The following PPM1H variants were observed in gnomAD, a reference collection of about 807,000 sequenced individuals.
PPM1H encodes protein phosphatase, Mg2+/Mn2+ dependent 1H.
Under a neutral mutation model 54.9 loss-of-function variants are expected in PPM1H, and 27 were observed. The observed-to-expected ratio is 0.49, with a 90% CI of 0.36 to 0.68. PPM1H has a LOEUF of 0.68. Among genes scored for constraint, PPM1H ranks in the 30% least tolerant of loss-of-function variants. PPM1H has a pLI of 0.00. For missense variants in PPM1H, 596 were observed against 667.8 expected (o/e 0.89, Z 1.19); for synonymous variants, 305 against 270.8 (o/e 1.13, Z -1.24).
intron 1 of PPM1H, chr12:62,850,707 ATATATT>A (rs1174276858): frequency 1.3e-5 from 2 of 148,792 alleles, no homozygotes; most frequent in East Asian, 1.9e-4. Flanking sequence ...TAAAATATAT[ATATATT>A]TATATTTTTT....
chr12:62,697,215 C>T (rs555698094), intron 6 of PPM1H, among the ~76,000 whole-genome samples: 1 of 151,694 alleles, frequency 6.6e-6, no homozygotes, highest in African/African-American at 2.4e-5. Context: ...CAACTTCTGC[C>T]TCCCAGGTCC....
chr12:62,685,634 T>C (rs1049130837), intron 8 of PPM1H, among the ~76,000 whole-genome samples: 2 of 152,178 alleles, frequency 1.3e-5, no homozygotes, highest in African/African-American at 4.8e-5. Context: ...ATTTGTTGCA[T>C]GGAGATAGGG....
At chr12:62,690,998 C>A (rs892975000) in intron 7 of PPM1H, among the ~76,000 whole-genome samples, 13 of 151,800 alleles carry the variant, frequency 8.6e-5, no homozygotes, top group Non-Finnish European at 1.5e-4. Context: ...AATAAAAAAA[C>A]CAAAAAGAAA....
At chr12:62,817,353 C>T (rs1468190945) in intron 2 of PPM1H, among the ~76,000 whole-genome samples, 3 of 150,708 alleles carry the variant, frequency 2.0e-5, no homozygotes, top group Non-Finnish European at 3.0e-5. Context: ...TCCCAGCTAC[C>T]CAGGAGGCTG....
At chr12:62,855,059 T>G (rs567367657) in intron 1 of PPM1H, among the ~76,000 whole-genome samples, 1 of 152,220 alleles carries the variant, frequency 6.6e-6, no homozygotes, top group African/African-American at 2.4e-5. Context: ...AAAGCCACTG[T>G]GTTAGAATGC....
intron 3 of PPM1H, among the ~76,000 whole-genome samples, chr12:62,798,587 GGGGGTAAACCTGAAA>G (rs2076749452): frequency 6.8e-6 from 1 of 147,328 alleles, no homozygotes; most frequent in Non-Finnish European, 1.5e-5. Flanking sequence ...GCTAGGGCAT[GGGGGTAAACCTGAAA>G]GGAACAAACA....
At chr12:62,785,182 CT>C (rs879331754) in intron 4 of PPM1H, among the ~76,000 whole-genome samples, 37 of 147,246 alleles carry the variant, frequency 2.5e-4, no homozygotes, top group South Asian at 1.3e-3. Flanking sequence ...AAACAAAACA[CT>C]TTTTTTTTTT....
chr12:62,815,346 T>G (rs2076860180), intron 2 of PPM1H, among the ~76,000 whole-genome samples: 1 of 152,200 alleles, frequency 6.6e-6, no homozygotes, highest in Admixed American at 6.5e-5. Flanking sequence ...AATGAGGCAG[T>G]AAGGTGCAGG....
At chr12:62,865,045 G>C (rs949004951) in intron 1 of PPM1H, among the ~76,000 whole-genome samples, 1 of 152,142 alleles carries the variant, frequency 6.6e-6, no homozygotes, top group African/African-American at 2.4e-5. Flanking sequence ...TTCTCTCTCG[G>C]CAGAGGGAAA....
At chr12:62,892,728 C>T (rs1390953671) in intron 1 of PPM1H, among the ~76,000 whole-genome samples, 1 of 152,132 alleles carries the variant, frequency 6.6e-6, no homozygotes, top group Non-Finnish European at 1.5e-5. Flanking sequence ...CTTATCATTG[C>T]CATCTAGTCA....
intron 9 of PPM1H, among the ~76,000 whole-genome samples, chr12:62,651,836 C>T (rs989531389): frequency 6.6e-6 from 1 of 152,162 alleles, no homozygotes; most frequent in African/African-American, 2.4e-5. Flanking sequence ...CTGCTTAACC[C>T]TTTGTGTTCA....
At chr12:62,650,815 C>T (rs1425221482) in intron 9 of PPM1H, among the ~76,000 whole-genome samples, 1 of 152,056 alleles carries the variant, frequency 6.6e-6, no homozygotes, top group African/African-American at 2.4e-5. Context: ...TGGGGGAACT[C>T]GGTCCCCATG....
chr12:62,776,471 T>G (rs1023851012), intron 4 of PPM1H, among the ~76,000 whole-genome samples: 1 of 151,864 alleles, frequency 6.6e-6, no homozygotes, highest in Non-Finnish European at 1.5e-5. Flanking sequence ...GAAGGCAGGG[T>G]TTTTTTGATC....
chr12:62,908,391 G>A (rs1443765572), intron 1 of PPM1H, among the ~76,000 whole-genome samples: 26 of 125,920 alleles, frequency 2.1e-4, no homozygotes, highest in African/African-American at 7.2e-4. Flanking sequence ...TGGGTGACAA[G>A]AGCGAGACTC....
intron 1 of PPM1H, among the ~76,000 whole-genome samples, chr12:62,903,743 G>A (rs768703139): frequency 1.3e-5 from 2 of 151,844 alleles, no homozygotes; most frequent in African/African-American, 4.8e-5. Context: ...GGGGAGTGGG[G>A]TGGGGGTCTA....
In PPM1H at chr12:62,831,044, G is replaced by A. The variant is rs1457315388; in HGVS notation, c.411+1070C>T. Among the ~76,000 whole-genome samples, 6 of 151,538 alleles carry A rather than the reference G, an allele frequency of 4.0e-5. No homozygotes were observed. The East Asian group carries it at 5.9e-4, about 15-fold the overall frequency. On this transcript the variant is annotated intron_variant, in intron 2 of 9. Coordinates refer to ENST00000228705, the MANE Select transcript of PPM1H (RefSeq NM_020700.2). Reference sequence around the variant, plus strand: ...AATTTTTTGTATTTTTAGTAGAGATGGGGTTTCACCATGTTAGCCAGGATG... The same window carrying A: ...AATTTTTTGTATTTTTAGTAGAGATAGGGTTTCACCATGTTAGCCAGGATG...
chr12:62,850,242 C>G (rs2120929206), intron 1 of PPM1H, among the ~76,000 whole-genome samples: 1 of 152,298 alleles, frequency 6.6e-6, no homozygotes, highest in East Asian at 1.9e-4. Context: ...GCTGGGACTA[C>G]AGGTGTGAGC....
intron 1 of PPM1H, among the ~76,000 whole-genome samples, chr12:62,913,565 G>A (rs1450834467): frequency 6.6e-6 from 1 of 152,150 alleles, no homozygotes; most frequent in Admixed American, 6.5e-5. Context: ...TCCTGGGGAA[G>A]CCTTCCTACA....
chr12:62,677,347 C>T (rs926318186), intron 8 of PPM1H, among the ~76,000 whole-genome samples: 1 of 152,204 alleles, frequency 6.6e-6, no homozygotes, highest in Non-Finnish European at 1.5e-5. Context: ...TCCCTCTTGC[C>T]ACACTGCAGG....
Sources: allele counts gnomAD v4.1 joint callset (sites outside exome capture counted in the v4.1 genomes callset), GRCh38; gene constraint gnomAD v4.1.1; transcripts MANE v1.5; gene names NCBI Gene and HGNC (gene_info 2026-07-23, HGNC 2026-07-21).